SLC9A7: variants seen among roughly 807,000 people sequenced by gnomAD.
SLC9A7 encodes the protein solute carrier family 9 member A7.
In SLC9A7, 19 loss-of-function variants were observed where a neutral mutation model predicts 52.6. The ratio of observed to expected loss-of-function variants is 0.36; its 90% confidence interval spans 0.25 to 0.53. SLC9A7 has a LOEUF of 0.53. Ranked by LOEUF, SLC9A7 falls within the 20% of genes least tolerant of loss-of-function variation. The pLI is 0.91. For missense variants in SLC9A7, 455 were observed against 597.9 expected (o/e 0.76, Z 2.49); for synonymous variants, 226 against 252.1 (o/e 0.90, Z 0.98).
At chrX:46,646,551 G>T in intron 11 of SLC9A7, 1 of 198,176 alleles carries the variant, frequency 5.0e-6, no homozygotes, top group Non-Finnish European at 9.9e-6. Context: ...GAAGGGACGG[G>T]CAGGGAAGGT....
rs923540219 is a variant in SLC9A7 at position 46,602,559 on chromosome X, T to G, written c.*4393A>C. The G allele has an allele frequency of 2.7e-5, 3 of 112,056 alleles. No individual in the cohort carries two copies. The highest frequency in any genetic ancestry group is 5.6e-5 in the Non-Finnish European group (3 of 53,218). The allele number at this position is 112,056 out of a possible 1,213,427, so 9.2% of individuals were successfully genotyped here. A position where few individuals can be genotyped will look rare whatever the true frequency, so the allele number is the denominator to read the frequency against. Reference sequence around the variant, plus strand: ...ATCTCTGAGGGGAGGGCCCTTGCACTGATTTAAAAACAAAAACTGGCCAGA... The same window carrying G: ...ATCTCTGAGGGGAGGGCCCTTGCACGGATTTAAAAACAAAAACTGGCCAGA... On this transcript the variant is annotated 3_prime_UTR_variant, in exon 17 of 17. Coordinates refer to ENST00000616978, the MANE Select transcript of SLC9A7 (RefSeq NM_001257291.2).
chrX:46,667,028 T>G (rs1943932931), intron 5 of SLC9A7, among the ~76,000 whole-genome samples: 1 of 112,156 alleles, frequency 8.9e-6, no homozygotes, highest in African/African-American at 3.2e-5. Context: ...TGTTATTTGT[T>G]TATTTTTTAA....
chrX:46,714,685 G>A (rs1305293278), intron 1 of SLC9A7, among the ~76,000 whole-genome samples: 2 of 112,146 alleles, frequency 1.8e-5, no homozygotes, highest in Non-Finnish European at 3.8e-5. Flanking sequence ...GTCAGTGAAC[G>A]AAACAAATAC....
At chrX:46,624,731 A>G (rs1943097164) in intron 14 of SLC9A7, among the ~76,000 whole-genome samples, 1 of 112,488 alleles carries the variant, frequency 8.9e-6, no homozygotes, top group African/African-American at 3.2e-5. Flanking sequence ...AAAAACGCCT[A>G]GCCATTAACA....
intron 5 of SLC9A7, among the ~76,000 whole-genome samples, chrX:46,663,468 G>A (rs1446584120): frequency 5.7e-5 from 6 of 104,920 alleles, no homozygotes; most frequent in Admixed American, 1.0e-4. Context: ...GTGAAGCCCC[G>A]TCTCTACTAA....
intron 1 of SLC9A7, among the ~76,000 whole-genome samples, chrX:46,747,117 C>T (rs1471547047): frequency 9.0e-6 from 1 of 111,305 alleles, no homozygotes; most frequent in Non-Finnish European, 1.9e-5. Flanking sequence ...AAAGAGTAGA[C>T]TAGTTGTTAC....
chrX:46,755,376 C>A (rs1922567635), intron 1 of SLC9A7, among the ~76,000 whole-genome samples: 1 of 110,562 alleles, frequency 9.0e-6, no homozygotes, highest in Non-Finnish European at 1.9e-5. Context: ...AGAGAGAAAT[C>A]TCTTCCCCTT....
intron 1 of SLC9A7, among the ~76,000 whole-genome samples, chrX:46,734,076 C>T (rs1945084353): frequency 8.9e-6 from 1 of 112,036 alleles, no homozygotes; most frequent in Non-Finnish European, 1.9e-5. Flanking sequence ...GTTGTAAGAG[C>T]TCTTCTGTGC....
chrX:46,636,581 C>T (rs867261596), intron 12 of SLC9A7, among the ~76,000 whole-genome samples: 1 of 109,679 alleles, frequency 9.1e-6, no homozygotes, highest in African/African-American at 3.3e-5. Context: ...CACTGAACCA[C>T]GTTTTCTCAA....
intron 1 of SLC9A7, among the ~76,000 whole-genome samples, chrX:46,752,703 C>T (rs1298121192): frequency 1.8e-5 from 2 of 110,465 alleles, no homozygotes; most frequent in African/African-American, 3.3e-5. Flanking sequence ...ACTAGATAGT[C>T]CCACAATGAG....
At chrX:46,645,917 G>A (rs1375392031) in intron 11 of SLC9A7, among the ~76,000 whole-genome samples, 1 of 111,187 alleles carries the variant, frequency 9.0e-6, no homozygotes, top group Non-Finnish European at 1.9e-5. Context: ...TGATGATCAC[G>A]TGGGATTATT....
chrX:46,690,367 T>G (rs753486528), intron 1 of SLC9A7, among the ~76,000 whole-genome samples: 1 of 112,736 alleles, frequency 8.9e-6, no homozygotes, highest in East Asian at 2.8e-4. Context: ...GTGTACTTAT[T>G]GGCAATCCTA....
intron 1 of SLC9A7, among the ~76,000 whole-genome samples, chrX:46,713,889 G>A (rs1302192950): frequency 2.8e-5 from 3 of 106,778 alleles, no homozygotes; most frequent in Admixed American, 1.0e-4. Flanking sequence ...TTTTTTTTTC[G>A]TGACTGTAAA....
At chrX:46,701,535 C>T (rs1003047031) in intron 1 of SLC9A7, among the ~76,000 whole-genome samples, 5 of 111,440 alleles carry the variant, frequency 4.5e-5, no homozygotes, top group South Asian at 3.8e-4. Flanking sequence ...TGCAGTGAGC[C>T]GAGATCACGC....
chrX:46,746,169 C>CA lies in SLC9A7; in HGVS notation c.325+12535dup, dbSNP rs201146280. Among the ~76,000 whole-genome samples the CA allele has an allele frequency of 7.8e-3, 824 of 106,136 alleles. 11 individuals carry two copies. Among genetic ancestry groups the CA allele is most frequent in the African/African-American group, 0.025 (746 of 29,312 alleles). The allele number at this position is 106,136 out of a possible 115,157, so 92.2% of individuals were successfully genotyped here. On this transcript the variant is annotated intron_variant, in intron 1 of 16. Coordinates refer to ENST00000616978, the MANE Select transcript of SLC9A7 (RefSeq NM_001257291.2). ...CAAAACCCTATTTCTACTGAAAATA[C>CA]AAAAAAAAAATTAGTTGGGCGTGGT... is the stretch of plus-strand genomic sequence containing the variant.
intron 12 of SLC9A7, among the ~76,000 whole-genome samples, chrX:46,638,394 AATTGATAAAG>A (rs1943354065): frequency 2.7e-5 from 3 of 112,260 alleles, no homozygotes; most frequent in South Asian, 7.3e-4. Context: ...GAAGGAAGGA[AATTGATAAAG>A]ATAGAAATCA....
intron 3 of SLC9A7, among the ~76,000 whole-genome samples, chrX:46,675,701 G>A (rs1223170448): frequency 8.9e-6 from 1 of 112,086 alleles, no homozygotes; most frequent in Non-Finnish European, 1.9e-5. Flanking sequence ...CTGCCTTTTT[G>A]AAGTAGGTCA....
chrX:46,640,493 G>A (rs1002090416), intron 12 of SLC9A7, among the ~76,000 whole-genome samples: 13 of 111,565 alleles, frequency 1.2e-4, no homozygotes, highest in African/African-American at 4.2e-4. Flanking sequence ...AAGGCTTGGT[G>A]GAGTCCTTAG....
intron 1 of SLC9A7, among the ~76,000 whole-genome samples, chrX:46,727,567 G>A (rs1301556862): frequency 8.9e-6 from 1 of 112,079 alleles, no homozygotes; most frequent in Non-Finnish European, 1.9e-5. Context: ...GGATCGCAAA[G>A]CTAATTGCTT....
Sources: gnomAD v4.1 joint callset for allele counts (sites outside exome capture counted in the v4.1 genomes callset) on GRCh38, gnomAD v4.1.1 for gene constraint, MANE v1.5 for transcripts, NCBI Gene and HGNC (gene_info 2026-07-23, HGNC 2026-07-21) for gene names.